PLCL1: variants seen among roughly 807,000 people sequenced by gnomAD.
PLCL1 encodes the protein inactive phospholipase C-like protein 1.
A neutral mutation model predicts 84.4 loss-of-function variants in PLCL1; 41 were observed. That is an observed-to-expected ratio of 0.49 (90% confidence interval 0.38 to 0.63). The LOEUF (loss-of-function observed/expected upper bound fraction) is 0.63. Among genes scored for constraint, PLCL1 ranks in the 30% least tolerant of loss-of-function variants. The pLI, the probability that PLCL1 is intolerant of heterozygous loss-of-function variation, is 0.00. For synonymous variants in PLCL1, 490 were observed against 488.3 expected, an observed-to-expected ratio of 1.00 and a Z score of -0.05; for missense variants, 1,206 against 1,367.8, an observed-to-expected ratio of 0.88 and a Z score of 1.87.
At chr2:197,917,636 G>A (rs1454395468) in intron 1 of PLCL1, among the ~76,000 whole-genome samples, 1 of 152,130 alleles carries the variant, frequency 6.6e-6, no homozygotes, top group Admixed American at 6.5e-5. Context: ...ATAATTTAAG[G>A]GGTTGGGGGA....
At chr2:198,030,875 A>G (rs778015823) in intron 1 of PLCL1, among the ~76,000 whole-genome samples, 3 of 152,166 alleles carry the variant, frequency 2.0e-5, no homozygotes, top group African/African-American at 7.2e-5. Context: ...GAGTGTTGTA[A>G]TATAGAAGGC....
intron 1 of PLCL1, among the ~76,000 whole-genome samples, chr2:197,855,371 A>G (rs1230909170): frequency 1.3e-5 from 2 of 152,066 alleles, no homozygotes; most frequent in African/African-American, 4.8e-5. Context: ...AGGTTTTTCT[A>G]CCAGTCCTGT....
At chr2:197,892,769 C>T (rs951942085) in intron 1 of PLCL1, among the ~76,000 whole-genome samples, 2 of 152,118 alleles carry the variant, frequency 1.3e-5, no homozygotes, top group African/African-American at 4.8e-5. Flanking sequence ...CTGAGGTGGG[C>T]GGATCACGAG....
Position 198,094,882 on chromosome 2 carries a change from T to A in PLCL1, c.2919+5821T>A, listed in dbSNP as rs1447808754. ...TTGCCATGTAAATGCCTATCTAGTA[T>A]TTTGTGCAACTGAAGCAGAGATGAC... On this transcript the variant is annotated intron_variant, in intron 3 of 5. Transcript: ENST00000428675. Among the ~76,000 whole-genome samples, 6 of 152,258 alleles carry A rather than the reference T, an allele frequency of 3.9e-5. No homozygotes were observed. The South Asian group carries it at 6.2e-4, about 16-fold the overall frequency.
At chr2:198,052,202 G>A (rs58172089) in intron 1 of PLCL1, among the ~76,000 whole-genome samples, 20,179 of 151,898 alleles carry the variant, frequency 0.13, 1,701 homozygotes, top group East Asian at 0.26. Context: ...GTGAGCCACC[G>A]CGCCCAGCCC....
rs148824938 is a variant in PLCL1 at position 198,055,700 on chromosome 2, T to C, written c.241-28058T>C. Reference sequence around the variant, plus strand: ...ATAATATAAAATTAAAATCAACTGCTGATCTCAGGGAGCAAACAGATTTTT... The same window carrying C: ...ATAATATAAAATTAAAATCAACTGCCGATCTCAGGGAGCAAACAGATTTTT... On this transcript the variant is annotated intron_variant, in intron 1 of 5. Coordinates refer to ENST00000428675, the MANE Select transcript of PLCL1 (RefSeq NM_006226.4). Among the ~76,000 whole-genome samples, 744 of 152,264 alleles carry C rather than the reference T, an allele frequency of 4.9e-3. 6 individuals carry two copies. Among genetic ancestry groups the C allele is most frequent in the African/African-American group, 0.017 (718 of 41,566 alleles).
chr2:197,961,923 A>G (rs1559057397), intron 1 of PLCL1, among the ~76,000 whole-genome samples: 1 of 152,124 alleles, frequency 6.6e-6, no homozygotes, highest in Non-Finnish European at 1.5e-5. Context: ...GGAAGGCTGT[A>G]TCTGTTTGAA....
At chr2:197,816,590 A>G (rs922829478) in intron 1 of PLCL1, among the ~76,000 whole-genome samples, 2 of 152,162 alleles carry the variant, frequency 1.3e-5, no homozygotes, top group Admixed American at 6.5e-5. Flanking sequence ...TAAATTATAT[A>G]GGCTAAGGAT....
intron 1 of PLCL1, among the ~76,000 whole-genome samples, chr2:197,973,759 C>T (rs989466350): frequency 2.0e-5 from 3 of 152,006 alleles, no homozygotes; most frequent in Admixed American, 6.6e-5. Context: ...GGTGGGCAGG[C>T]GTGAGGTCAA....
chr2:197,810,206 C>G, intron 1 of PLCL1: 6 of 657,464 alleles, frequency 9.1e-6, no homozygotes, highest in Non-Finnish European at 1.3e-5. Flanking sequence ...TACTTTCTCT[C>G]AAATTGCCAT....
At chr2:197,957,702 G>T (rs1689520650) in intron 1 of PLCL1, among the ~76,000 whole-genome samples, 1 of 151,954 alleles carries the variant, frequency 6.6e-6, no homozygotes, top group African/African-American at 2.4e-5. Context: ...CTCCCAGAGA[G>T]CCCCTCATCC....
chr2:197,933,022 G>A (rs567715829), intron 1 of PLCL1, among the ~76,000 whole-genome samples: 1 of 152,320 alleles, frequency 6.6e-6, no homozygotes, highest in African/African-American at 2.4e-5. Context: ...TAGAAACAAA[G>A]TATGTGTGAG....
At chr2:198,143,468 A>C (rs1694436994) in intron 5 of PLCL1, among the ~76,000 whole-genome samples, 1 of 152,166 alleles carries the variant, frequency 6.6e-6, no homozygotes, top group Admixed American at 6.5e-5. Context: ...ATTTTGGAGG[A>C]AATGATACAC....
intron 1 of PLCL1, among the ~76,000 whole-genome samples, chr2:197,923,231 T>C (rs866097820): frequency 1.8e-3 from 210 of 118,580 alleles, no homozygotes; most frequent in Middle Eastern, 5.5e-3. Context: ...CCCTCCCGGA[T>C]GGGGCGGCTG....
intron 1 of PLCL1, among the ~76,000 whole-genome samples, chr2:197,819,884 ATGTGTGTG>A (rs57885218): frequency 3.6e-4 from 50 of 140,658 alleles, no homozygotes; most frequent in African/African-American, 1.1e-3. Context: ...ACTATTATGC[ATGTGTGTG>A]TGTGTGTGTG....
intron 1 of PLCL1, among the ~76,000 whole-genome samples, chr2:197,983,190 C>CTTTTTTTT (rs1445206643): frequency 4.5e-5 from 3 of 66,070 alleles, no homozygotes; most frequent in African/African-American, 1.6e-4. Context: ...TTTTCTTTTT[C>CTTTTTTTT]TTTTCTTTTC....
At chr2:197,978,334 G>A (rs1206455858) in intron 1 of PLCL1, among the ~76,000 whole-genome samples, 5 of 152,090 alleles carry the variant, frequency 3.3e-5, no homozygotes, top group Admixed American at 6.6e-5. Context: ...AAGATTGGCC[G>A]GGCGTGGTGG....
At chr2:198,086,890 A>G (rs778910064) in intron 2 of PLCL1, among the ~76,000 whole-genome samples, 8 of 152,220 alleles carry the variant, frequency 5.3e-5, no homozygotes, top group Non-Finnish European at 8.8e-5. Flanking sequence ...ACAAACATAC[A>G]CATACTAATT....
intron 4 of PLCL1, among the ~76,000 whole-genome samples, chr2:198,103,314 G>A (rs1222677428): frequency 2.0e-5 from 3 of 151,860 alleles, no homozygotes; most frequent in Non-Finnish European, 2.9e-5. Context: ...TGGGTACATA[G>A]GAGGTGTATA....
Sources: gnomAD v4.1 joint callset for allele counts (sites outside exome capture counted in the v4.1 genomes callset) on GRCh38, gnomAD v4.1.1 for gene constraint, MANE v1.5 for transcripts, NCBI Gene and HGNC (gene_info 2026-07-23, HGNC 2026-07-21) for gene names.